ALG6: variants seen among roughly 807,000 people sequenced by gnomAD.
ALG6 encodes ALG6 alpha-1,3-glucosyltransferase, also known as dolichyl pyrophosphate Man9GlcNAc2 alpha-1,3-glucosyltransferase.
Under a neutral mutation model 66.6 loss-of-function variants are expected in ALG6, and 46 were observed. The ratio of observed to expected loss-of-function variants is 0.69; its 90% CI spans 0.55 to 0.88. The LOEUF (loss-of-function observed/expected upper bound fraction) is 0.88, where lower values mean the gene tolerates loss of function less well. Among genes scored for constraint, ALG6 ranks in the 40% least tolerant of loss-of-function variants. ALG6 has a pLI of 0.00. For missense variants in ALG6, 505 were observed against 586.8 expected, an observed-to-expected ratio of 0.86 and a Z score of 1.44; for synonymous variants, 185 against 203.7, an observed-to-expected ratio of 0.91 and a Z score of 0.78.
chr1:63,371,163 C>T, intron 2 of ALG6, 104 bp downstream of exon 2: 1 of 774,186 alleles, frequency 1.3e-6, no homozygotes, highest in East Asian at 2.5e-5. Flanking sequence ...AGAAGAATTT[C>T]AGGCCTTTTT....
At chr1:63,411,063 A>G in intron 7 of ALG6, 83 bp from the exon 8 acceptor site, 1 of 1,383,260 alleles carries the variant, frequency 7.2e-7, no homozygotes, top group Non-Finnish European at 1.0e-6. Context: ...CATTTCCTAG[A>G]GCATATCTCT....
chr1:63,371,449 G>A (rs1456581392), intron 2 of ALG6, among the ~76,000 whole-genome samples: 1 of 152,052 alleles, frequency 6.6e-6, no homozygotes, highest in Admixed American at 6.6e-5. Flanking sequence ...TGAGAGAGGG[G>A]GAATTGATGG....
intron 3 of ALG6, among the ~76,000 whole-genome samples, chr1:63,399,730 G>A (rs558173894): frequency 9.2e-5 from 14 of 152,108 alleles, no homozygotes; most frequent in Middle Eastern, 3.4e-3. Flanking sequence ...TTGTCTGTTA[G>A]AGAAAACTAC....
intron 12 of ALG6, among the ~76,000 whole-genome samples, chr1:63,423,098 A>G (rs1179662085): frequency 6.7e-6 from 1 of 148,586 alleles, no homozygotes; most frequent in African/African-American, 2.5e-5. Flanking sequence ...ATCTTTGCTC[A>G]CTGCAGCCTC....
intron 2 of ALG6, among the ~76,000 whole-genome samples, chr1:63,390,892 A>G (rs1648653341): frequency 6.6e-6 from 1 of 152,200 alleles, no homozygotes; most frequent in African/African-American, 2.4e-5. Flanking sequence ...GATGTTGACA[A>G]TTCAATACTG....
intron 14 of ALG6, 113 bp from the exon 15 acceptor site, chr1:63,436,710 A>C: frequency 4.0e-6 from 4 of 993,046 alleles, no homozygotes; most frequent in Non-Finnish European, 6.3e-6. Flanking sequence ...AGAATAAATT[A>C]GACCCTCAAC....
intron 9 of ALG6, among the ~76,000 whole-genome samples, chr1:63,413,165 CA>C (rs138137373): frequency 6.6e-6 from 1 of 152,098 alleles, no homozygotes; most frequent in African/African-American, 2.4e-5. Context: ...AAACTGAGGT[CA>C]AAGATTCCTA....
chr1:63,410,691 TA>T (rs1644511585), intron 7 of ALG6, among the ~76,000 whole-genome samples: 1 of 152,196 alleles, frequency 6.6e-6, no homozygotes, highest in Non-Finnish European at 1.5e-5. Context: ...ACAATGTTGT[TA>T]GTTTCTAATT....
At chr1:63,393,052 C>T (rs1378287222) in intron 2 of ALG6, among the ~76,000 whole-genome samples, 1 of 152,118 alleles carries the variant, frequency 6.6e-6, no homozygotes. Context: ...TGGATTTCTT[C>T]AGGTATAGGA....
intron 14 of ALG6, among the ~76,000 whole-genome samples, chr1:63,436,188 T>C (rs954678056): frequency 6.6e-6 from 1 of 152,174 alleles, no homozygotes; most frequent in Admixed American, 6.5e-5. Context: ...TAGATGTATA[T>C]ATTTTGGGGG....
In ALG6 at chr1:63,438,446, A is replaced by G. The variant is rs1644698594; in HGVS notation, c.*1426A>G. On this transcript the variant is annotated 3_prime_UTR_variant, in exon 15 of 15. Coordinates refer to ENST00000263440, the MANE Select transcript of ALG6 (RefSeq NM_013339.4). ...TTGTAATAGTACACTTGTGTTTAACATAGAATGTTGACTTAGATAAATGAT... is the reference window on the plus strand; with the variant it reads ...TTGTAATAGTACACTTGTGTTTAACGTAGAATGTTGACTTAGATAAATGAT... 1 of 152,202 alleles carries G rather than the reference A, an allele frequency of 6.6e-6. No individual in the cohort carries two copies. Among genetic ancestry groups the G allele is most frequent in the African/African-American group, 2.4e-5 (1 of 41,448 alleles). 9.4% of individuals were successfully genotyped at this position (152,202 alleles called of 1,614,324 possible).
rs191579629 is a variant in ALG6, at chr1:63,422,721, C to T, written c.1058+3281C>T. On this transcript the variant is annotated intron_variant, in intron 12 of 14. Transcript: ENST00000263440. Reference sequence around the variant, plus strand: ...CTGTAATCCCAGCACTTTGGGAGGCCCAGGCGGGTGGATCATCTGAGGTTG... The same window carrying T: ...CTGTAATCCCAGCACTTTGGGAGGCTCAGGCGGGTGGATCATCTGAGGTTG... 4.6e-5 allele frequency among the ~76,000 whole-genome samples: 7 copies of T among 151,440 alleles called. No homozygotes were observed. The East Asian group carries it at 1.2e-3, about 25-fold the overall frequency.
intron 2 of ALG6, among the ~76,000 whole-genome samples, chr1:63,384,562 C>A (rs1397281599): frequency 6.6e-6 from 1 of 152,028 alleles, no homozygotes; most frequent in Admixed American, 6.6e-5. Flanking sequence ...AAATTTTTGC[C>A]CAGACCAATG....
intron 12 of ALG6, among the ~76,000 whole-genome samples, chr1:63,421,360 T>A (rs1045157536): frequency 2.6e-5 from 4 of 152,088 alleles, no homozygotes; most frequent in Admixed American, 6.6e-5. Context: ...AGGAATGCTT[T>A]TATACTGTTG....
Position 63,429,072 on chromosome 1 carries a change from T to A in ALG6, c.1272T>A (p.Ser424=), listed in dbSNP as rs768166804. ...EELQLKSFSI[S]VRKYLPCFTF... ...TGCAGTTGAAATCCTTTTCCATTTC[T>A]GTGAGGAAATATCTTCCATGTTTTA... is the stretch of plus-strand genomic sequence containing the variant. Residue 424 remains serine (S), a synonymous_variant, in exon 14 of 15, where the codon TCT becomes TCA. Transcript: ENST00000263440. 9 of 1,604,966 alleles carry A rather than the reference T, an allele frequency of 5.6e-6. No individual in the cohort carries two copies. The highest frequency in any genetic ancestry group is 1.1e-5 in the South Asian group (1 of 89,266).
intron 11 of ALG6, among the ~76,000 whole-genome samples, chr1:63,416,293 T>C (rs1338919865): frequency 6.6e-6 from 1 of 151,928 alleles, no homozygotes; most frequent in East Asian, 1.9e-4. Context: ...AGTCCTATGA[T>C]GGTGTGGGAA....
At chr1:63,371,533 G>A (rs556114099) in intron 2 of ALG6, among the ~76,000 whole-genome samples, 12 of 152,212 alleles carry the variant, frequency 7.9e-5, no homozygotes, top group East Asian at 5.8e-4. Flanking sequence ...TCATGTTCCC[G>A]GCACTGTGCT....
chr1:63,387,585 A>G (rs1423764224), intron 2 of ALG6, among the ~76,000 whole-genome samples: 1 of 105,756 alleles, frequency 9.5e-6, no homozygotes, highest in Non-Finnish European at 1.7e-5. Flanking sequence ...TCTGTTGCCC[A>G]GGCTGGAGTG....
chr1:63,382,669 T>G (rs200888022), intron 2 of ALG6, among the ~76,000 whole-genome samples: 48,752 of 110,378 alleles, frequency 0.44, 8,889 homozygotes, highest in South Asian at 0.52. Context: ...TTTTTTGTTT[T>G]TTTTTTTTTG....
Sources: gnomAD v4.1 joint callset for allele counts (sites outside exome capture counted in the v4.1 genomes callset) on GRCh38, gnomAD v4.1.1 for gene constraint, MANE v1.5 for transcripts, NCBI Gene and HGNC (gene_info 2026-07-23, HGNC 2026-07-21) for gene names.